Variants in DACT2 observed in about 807,000 individuals in gnomAD.
The protein encoded by DACT2 is dishevelled binding antagonist of beta catenin 2.
DACT2 carries 20 observed loss-of-function variants against 22.2 expected under a neutral mutation model. That is an observed-to-expected ratio of 0.90 (90% confidence interval 0.63 to 1.31). The LOEUF (loss-of-function observed/expected upper bound fraction) is 1.31. DACT2 is among the 50% of genes most tolerant of loss of function. The probability of loss-of-function intolerance (pLI) is 0.00; values close to 1 mark genes in which losing one functional copy is unlikely to be tolerated. For missense variants in DACT2, 1,048 were observed against 1,061.4 expected (o/e 0.99, Z 0.18); for synonymous variants, 463 against 479.8 (o/e 0.96, Z 0.46).
intron 1 of DACT2, among the ~76,000 whole-genome samples, chr6:168,311,592 A>ACT (rs1779412502): frequency 1.7e-5 from 1 of 58,308 alleles, no homozygotes; most frequent in East Asian, 1.3e-3. Context: ...ATCCACACAC[A>ACT]CACATACACA....
At chr6:168,310,070 G>T in intron 3 of DACT2, 98 bp downstream of exon 3, 1 of 1,490,090 alleles carries the variant, frequency 6.7e-7, no homozygotes, top group East Asian at 2.5e-5. Context: ...AGCGTGCTCC[G>T]TGTAGGGTCC....
chr6:168,300,802 T>C (rs1309963341), intron 3 of DACT2, among the ~76,000 whole-genome samples: 3 of 151,892 alleles, frequency 2.0e-5, no homozygotes, highest in Non-Finnish European at 2.9e-5. Flanking sequence ...CTGGCCAACA[T>C]GGTGAAACCC....
intron 1 of DACT2, among the ~76,000 whole-genome samples, chr6:168,311,803 G>C (rs1779426735): frequency 6.6e-6 from 1 of 152,174 alleles, no homozygotes; most frequent in Non-Finnish European, 1.5e-5. Context: ...GTGAAATCAG[G>C]ATCAAAAACA....
At chr6:168,294,060 A>G (rs1453517354) in intron 5 of DACT2, 6 of 702,862 alleles carry the variant, frequency 8.5e-6, no homozygotes, top group Non-Finnish European at 1.6e-5. Context: ...CACGATGCCC[A>G]TGAGCACAGA....
rs370013092 is a variant in DACT2, at chr6:168,307,459, C to T, written c.2298G>A (p.Thr766=). 18 of 1,551,654 alleles carry T rather than the reference C, an allele frequency of 1.2e-5. No homozygotes were observed. The highest frequency in any genetic ancestry group is 9.8e-5 in the Admixed American group (5 of 51,004). ...ACACCATGGTCATGACCTTCAGGGC[C>T]GTCGGCTGGAACCTGCGGATCTTCT... ...LKKKIRRFQP[T]ALKVMTMV The change falls in exon 4 of 4, where the codon ACG becomes ACA. Residue 766 remains threonine (T), a synonymous_variant. Coordinates refer to ENST00000366795, the MANE Select transcript of DACT2 (RefSeq NM_214462.5). The surrounding 1 kb of genome is among the most constrained non-coding windows in gnomAD (Gnocchi z 5.3).
At position 168,308,479 on chromosome 6, in the gene DACT2, C is replaced by T; in HGVS notation, c.1278G>A (p.Lys426=). 1 of 1,551,634 alleles carries T rather than the reference C, an allele frequency of 6.4e-7. No individual in the cohort carries two copies. Among genetic ancestry groups the T allele is most frequent in the Non-Finnish European group, 8.7e-7 (1 of 1,146,958 alleles). Residue 426 remains lysine, a synonymous_variant, in exon 4 of 4, where the codon AAG becomes AAA. Transcript: ENST00000366795. ...CCCTGAGGACACAGCTGTTTGAGGG[C>T]TTGGAGCCCTCCTCTGGAAGGCTGC... ...QSGSLPEEGS[K]PSNSCVLRET... is the part of the protein sequence containing the mutation.
downstream of DACT2, among the ~76,000 whole-genome samples, chr6:168,302,600 A>T (rs1779130115): frequency 6.6e-6 from 1 of 152,200 alleles, no homozygotes; most frequent in South Asian, 2.1e-4. Context: ...AGTGGGATTC[A>T]GGAGCCCAAG....
chr6:168,309,882 G>T (rs1692348870), intron 3 of DACT2, among the ~76,000 whole-genome samples: 3 of 152,188 alleles, frequency 2.0e-5, no homozygotes, highest in African/African-American at 7.2e-5. Context: ...CCAAACACCA[G>T]TGGATCCAGG....
At chr6:168,301,850 C>T (rs1426314634) in intron 3 of DACT2, among the ~76,000 whole-genome samples, 1 of 152,242 alleles carries the variant, frequency 6.6e-6, no homozygotes, top group Non-Finnish European at 1.5e-5. Flanking sequence ...TGGCTGTTCC[C>T]CTTGTCCCAG....
downstream of DACT2, among the ~76,000 whole-genome samples, chr6:168,302,894 C>T (rs1779136211): frequency 6.6e-6 from 1 of 152,130 alleles, no homozygotes; most frequent in Admixed American, 6.5e-5. Context: ...TGTGAACATG[C>T]CCAGTTTACA....
intron 1 of DACT2, among the ~76,000 whole-genome samples, chr6:168,318,623 T>C (rs919432886): frequency 9.2e-5 from 14 of 152,288 alleles, no homozygotes; most frequent in African/African-American, 1.7e-4. Context: ...GTGAGTTGTT[T>C]CCAGTAAGTT....
chr6:168,307,305 T>C lies in DACT2; in HGVS notation c.*127A>G. On this transcript the variant is annotated 3_prime_UTR_variant, in exon 4 of 4. Coordinates refer to ENST00000366795, the MANE Select transcript of DACT2 (RefSeq NM_214462.5). This position sits in a 1 kb window ranked among gnomAD's most constrained non-coding sequence, Gnocchi z 5.3. ...GGCAGAACCCATCTGCGGGGACTCCTGTTAAACGGTGGCCTCGGAAGATAA... is the reference window on the plus strand; with the variant it reads ...GGCAGAACCCATCTGCGGGGACTCCCGTTAAACGGTGGCCTCGGAAGATAA... 1 of 1,477,304 alleles carries C rather than the reference T, an allele frequency of 6.8e-7. No homozygotes were observed. Among genetic ancestry groups the C allele is most frequent in the Non-Finnish European group, 9.0e-7 (1 of 1,115,012 alleles). 91.5% of individuals were successfully genotyped at this position (1,477,304 alleles called of 1,614,324 possible). A position where few individuals can be genotyped will look rare whatever the true frequency, so the allele number is the denominator to read the frequency against.
At chr6:168,297,754 A>C (rs958177270) in intron 3 of DACT2, among the ~76,000 whole-genome samples, 8 of 152,260 alleles carry the variant, frequency 5.3e-5, no homozygotes, top group African/African-American at 1.9e-4. Context: ...AGAGAGATGG[A>C]TGTTTGCTGC....
At position 168,319,528 on chromosome 6, in the gene DACT2, G is replaced by A. The variant is rs1467230418; in HGVS notation, c.106C>T (p.Arg36Ter). The A allele has an allele frequency of 2.2e-6, 3 of 1,363,916 alleles. No individual in the cohort carries two copies. Among genetic ancestry groups the A allele is most frequent in the South Asian group, 1.6e-5 (1 of 62,078 alleles). The allele number at this position is 1,363,916 out of a possible 1,614,324, so 84.5% of individuals were successfully genotyped here. ...CGTACCCGCTCCTGCTGCGTGGCTC[G>A]CAGCCCCTGCAGCTCCTGCAGCCCC... ...FAGLQELQGL[R>*]ATQQERVRGA... The change falls in exon 1 of 4, where the codon CGA (arginine) becomes TGA (stop). Residue 36 changes from arginine to a stop codon, truncating the protein, a stop_gained. Transcript: ENST00000366795. LOFTEE classifies it high-confidence loss of function.
chr6:168,306,113 G>A (rs115937443), downstream of DACT2, among the ~76,000 whole-genome samples: 629 of 152,234 alleles, frequency 4.1e-3, 6 homozygotes, highest in African/African-American at 0.014. Flanking sequence ...CTTGTTCCAG[G>A]AATATTTCAC....
At position 168,311,560 on chromosome 6, in the gene DACT2, TCACA is replaced by T. The variant is rs1388365238; in HGVS notation, c.247-280_247-277del. Among the ~76,000 whole-genome samples the T allele has an allele frequency of 8.5e-4, 32 of 37,448 alleles. 1 individual carries two copies. Among genetic ancestry groups the T allele is most frequent in the African/African-American group, 2.3e-3 (31 of 13,608 alleles). 24.6% of individuals were successfully genotyped at this position (37,448 alleles called of 152,430 possible). Reference sequence around the variant, plus strand: ...CCCATCCACACACACATACACACACTCACACACAAACACACACACCCATCCACAC... The same window carrying T: ...CCCATCCACACACACATACACACACTCACAAACACACACACCCATCCACAC... On this transcript the variant is annotated intron_variant, in intron 1 of 3. Coordinates refer to ENST00000366795, the MANE Select transcript of DACT2 (RefSeq NM_214462.5).
chr6:168,313,960 C>T lies in DACT2; in HGVS notation c.247-2676G>A, dbSNP rs1014419601. Among the ~76,000 whole-genome samples, 9 of 152,274 alleles carry T rather than the reference C, an allele frequency of 5.9e-5. No individual in the cohort carries two copies. In the South Asian group the frequency reaches 8.3e-4, roughly 14 times the overall value. ...TTATTACGTCCTCAGGTCCCGTCTA[C>T]GTCTGCAGGACTCCACCACTCAGGA... On this transcript the variant is annotated intron_variant, in intron 1 of 3. Coordinates refer to ENST00000366795, the MANE Select transcript of DACT2 (RefSeq NM_214462.5).
Position 168,307,635 on chromosome 6 carries a change from C to T in DACT2, c.2122G>A (p.Ala708Thr), listed in dbSNP as rs370941715. The T allele has an allele frequency of 4.1e-5, 64 of 1,547,144 alleles. 1 individual carries two copies. In the African/African-American group the frequency reaches 6.2e-4, roughly 15 times the overall value. The stretch of plus-strand genomic sequence containing the variant: ...GCCAGGTCACAGTCCCTGCTCTGGG[C>T]GCCGCCCTCCTCGTCGCTGCTGCTG... ...ESSSSDEEGG[A>T]QSRDCDLALG... Residue 708 changes from alanine to threonine, a missense_variant, in exon 4 of 4, where the codon GCC (alanine) becomes ACC (threonine). Coordinates refer to ENST00000366795, the MANE Select transcript of DACT2 (RefSeq NM_214462.5). This position sits in a 1 kb window ranked among gnomAD's most constrained non-coding sequence, Gnocchi z 5.3.
downstream of DACT2, among the ~76,000 whole-genome samples, chr6:168,303,047 A>G (rs2114897958): frequency 6.6e-6 from 1 of 152,376 alleles, no homozygotes; most frequent in African/African-American, 2.4e-5. Flanking sequence ...TTAAAGCCAC[A>G]TGAAATCTGT....
Sources: allele counts gnomAD v4.1 joint callset (sites outside exome capture counted in the v4.1 genomes callset), GRCh38; gene constraint gnomAD v4.1.1; non-coding constraint Gnocchi (gnomAD v3.1); transcripts MANE v1.5; gene names NCBI Gene and HGNC (gene_info 2026-07-23, HGNC 2026-07-21).